The following CCDC141 variants were observed in gnomAD, a reference collection of about 807,000 sequenced individuals.
The protein encoded by CCDC141 is coiled-coil domain containing 141.
Under a neutral mutation model 181.0 loss-of-function variants are expected in CCDC141, and 168 were observed. The ratio of observed to expected loss-of-function variants is 0.93; its 90% CI spans 0.82 to 1.05. The LOEUF is 1.05. CCDC141 is among the 50% of genes least tolerant of loss of function. The probability of loss-of-function intolerance (pLI) is 0.00; values close to 1 mark genes in which losing one functional copy is unlikely to be tolerated. For missense variants in CCDC141, 1,902 were observed against 1,788.5 expected (o/e 1.06, Z -1.14); for synonymous variants, 666 against 642.3 (o/e 1.04, Z -0.56).
chr2:179,048,250 A>G (rs914228973), intron 1 of CCDC141, among the ~76,000 whole-genome samples: 1 of 152,244 alleles, frequency 6.6e-6, no homozygotes, highest in Non-Finnish European at 1.5e-5. Flanking sequence ...CCCCTGAGAC[A>G]GTTTGGACAG....
chr2:178,944,927 G>T (rs1689668052), intron 5 of CCDC141, among the ~76,000 whole-genome samples: 1 of 151,882 alleles, frequency 6.6e-6, no homozygotes, highest in African/African-American at 2.4e-5. Context: ...TCCTAACAAA[G>T]AATCAAAATA....
Position 179,015,093 on chromosome 2 carries a change from T to C in CCDC141, c.225+32191A>G, listed in dbSNP as rs868551365. ...ATATATATATATATATATATATATATATATATATATAATATATATATAATC... is the reference window on the plus strand; with the variant it reads ...ATATATATATATATATATATATATACATATATATATAATATATATATAATC... On this transcript the variant is annotated intron_variant, in intron 2 of 23. Transcript: ENST00000443758. Among the ~76,000 whole-genome samples the C allele has an allele frequency of 3.3e-3, 139 of 41,994 alleles. 3 individuals carry two copies. Among genetic ancestry groups the C allele is most frequent in the African/African-American group, 6.6e-3 (87 of 13,244 alleles). The allele number at this position is 41,994 out of a possible 152,430, so 27.5% of individuals were successfully genotyped here.
the CCDC141 span, among the ~76,000 whole-genome samples, chr2:178,821,249 C>CAT: frequency 2.0e-5 from 3 of 152,000 alleles, no homozygotes; most frequent in South Asian, 2.1e-4. Context: ...GTCCTACAAT[C>CAT]ATATATATAT....
downstream of CCDC141, among the ~76,000 whole-genome samples, chr2:178,828,691 A>G (rs1684161137): frequency 6.6e-6 from 1 of 151,792 alleles, no homozygotes; most frequent in East Asian, 1.9e-4. Context: ...TTTCCAGCTG[A>G]CTCTGTTTTC....
At chr2:178,958,862 A>C (rs1222473974) in intron 5 of CCDC141, among the ~76,000 whole-genome samples, 1 of 151,672 alleles carries the variant, frequency 6.6e-6, no homozygotes, top group Non-Finnish European at 1.5e-5. Flanking sequence ...TCTGTTTGGG[A>C]AGCCTCTTTG....
rs772820324 is a variant in CCDC141, at chr2:178,961,487, G to C, written c.527-4C>G. The C allele has an allele frequency of 1.3e-6, 2 of 1,539,578 alleles. No homozygotes were observed. The highest frequency in any genetic ancestry group is 1.8e-6 in the Non-Finnish European group (2 of 1,140,736). ...GCTAAAGACCGTTCCAAGAGTTCTA[G>C]AAGAAAATTAGAAAGAAAAAAGAAT... On this transcript the variant is annotated splice_region_variant and splice_polypyrimidine_tract_variant and intron_variant, in intron 4 of 23. Coordinates refer to ENST00000443758, the MANE Select transcript of CCDC141 (RefSeq NM_173648.4).
Position 178,859,752 on chromosome 2 carries a change from T to C in CCDC141, c.2725-3355A>G, listed in dbSNP as rs1317051437. Among the ~76,000 whole-genome samples, 3 of 152,346 alleles carry C rather than the reference T, an allele frequency of 2.0e-5. No individual in the cohort carries two copies. The East Asian group carries it at 5.8e-4, about 29-fold the overall frequency. ...TAAGATTTAAAAACTATAGCTATTTTGAAATTAGCAGAATGAGCATCTTTG... is the reference window on the plus strand; with the variant it reads ...TAAGATTTAAAAACTATAGCTATTTCGAAATTAGCAGAATGAGCATCTTTG... On this transcript the variant is annotated intron_variant, in intron 17 of 23. Transcript: ENST00000443758.
chr2:178,945,109 C>T (rs1191918666), intron 5 of CCDC141, among the ~76,000 whole-genome samples: 2 of 152,142 alleles, frequency 1.3e-5, no homozygotes, highest in Non-Finnish European at 2.9e-5. Context: ...TAGTTTGCTA[C>T]AAGTGCTGGA....
At chr2:178,849,340 T>A (rs1251917128) in intron 21 of CCDC141, among the ~76,000 whole-genome samples, 1 of 152,184 alleles carries the variant, frequency 6.6e-6, no homozygotes, top group Non-Finnish European at 1.5e-5. Context: ...AGGTCACAAA[T>A]CCAATTATTT....
intron 20 of CCDC141, 104 bp from the exon 21 acceptor site, chr2:178,850,265 T>C (rs1017320750): frequency 1.4e-5 from 9 of 635,992 alleles, no homozygotes; most frequent in Non-Finnish European, 2.2e-5. Context: ...GGCTGATAAA[T>C]TGTAAGTTCT....
chr2:178,905,207 G>T, intron 8 of CCDC141, 122 bp downstream of exon 8: 2 of 872,786 alleles, frequency 2.3e-6, no homozygotes, highest in Non-Finnish European at 3.4e-6. Flanking sequence ...ATCCTTTTAA[G>T]CCATATCATA....
intron 6 of CCDC141, among the ~76,000 whole-genome samples, chr2:178,920,149 T>C (rs1038455145): frequency 1.3e-5 from 2 of 152,338 alleles, no homozygotes; most frequent in East Asian, 1.9e-4. Flanking sequence ...CTGGTATCCA[T>C]ATAAGCTGCG....
At chr2:178,863,818 T>C (rs1685721977) in intron 17 of CCDC141, among the ~76,000 whole-genome samples, 1 of 152,188 alleles carries the variant, frequency 6.6e-6, no homozygotes, top group Non-Finnish European at 1.5e-5. Flanking sequence ...ATATCTCTCT[T>C]AAAATGTAAG....
At chr2:178,845,823 C>A in intron 21 of CCDC141, 81 bp from the exon 22 acceptor site, 1 of 814,050 alleles carries the variant, frequency 1.2e-6, no homozygotes, top group Non-Finnish European at 2.2e-6. Flanking sequence ...TGGAAGAAAA[C>A]ATAGACCACT....
At chr2:178,859,026 C>T (rs965252471) in intron 17 of CCDC141, among the ~76,000 whole-genome samples, 2 of 152,130 alleles carry the variant, frequency 1.3e-5, no homozygotes, top group Non-Finnish European at 2.9e-5. Flanking sequence ...TGCTTCAGAA[C>T]GTGTGCACTT....
chr2:178,834,309 G>C lies in CCDC141; in HGVS notation c.4457C>G (p.Ser1486Cys), dbSNP rs1684383149. 5.2e-6 allele frequency: 8 copies of C among 1,536,048 alleles called. No individual in the cohort carries two copies. The East Asian group carries it at 1.7e-4, about 33-fold the overall frequency. Residue 1486 changes from serine to cysteine, a missense_variant, in exon 24 of 24, where the codon TCT (serine) becomes TGT (cysteine). By Grantham distance (112) the Ser-to-Cys change is moderately radical (BLOSUM62 -1). Coordinates refer to ENST00000443758, the MANE Select transcript of CCDC141 (RefSeq NM_173648.4). ...AGLYVARAQN[S>C]SGALSSNVIL... is the part of the protein sequence containing the mutation. ...GACATTGGAAGAGAGAGCGCCGCTA[G>C]AGTTTTGGGCCCGAGCCACATAGAG...
At chr2:178,951,407 C>G (rs1344776972) in intron 5 of CCDC141, among the ~76,000 whole-genome samples, 2 of 152,136 alleles carry the variant, frequency 1.3e-5, no homozygotes, top group Non-Finnish European at 2.9e-5. Context: ...GATTTCCTAC[C>G]AAAGTTTTGG....
the CCDC141 span, among the ~76,000 whole-genome samples, chr2:178,824,156 ACACACTC>A: frequency 6.6e-6 from 1 of 152,168 alleles, no homozygotes; most frequent in Non-Finnish European, 1.5e-5. Flanking sequence ...ATGGCATGTA[ACACACTC>A]TGCTATATAA....
chr2:178,995,399 G>T (rs973897784), intron 2 of CCDC141, among the ~76,000 whole-genome samples: 2 of 152,000 alleles, frequency 1.3e-5, no homozygotes, highest in African/African-American at 2.4e-5. Flanking sequence ...GAACAGCACG[G>T]GAAAGACCTG....
Sources: allele counts gnomAD v4.1 joint callset (sites outside exome capture counted in the v4.1 genomes callset), GRCh38; gene constraint gnomAD v4.1.1; transcripts MANE v1.5; gene names NCBI Gene and HGNC (gene_info 2026-07-23, HGNC 2026-07-21).